The following GPC1 variants were observed in gnomAD, a reference collection of about 807,000 sequenced individuals.
GPC1 encodes glypican-1.
GPC1 carries 26 observed loss-of-function variants against 51.5 expected under a neutral mutation model. The ratio of observed to expected loss-of-function variants is 0.50; its 90% CI spans 0.37 to 0.70. The LOEUF (loss-of-function observed/expected upper bound fraction) is 0.70, where lower values mean the gene tolerates loss of function less well. Among genes scored for constraint, GPC1 ranks in the 30% least tolerant of loss-of-function variants. The probability of loss-of-function intolerance (pLI) is 0.00; values close to 1 mark genes in which losing one functional copy is unlikely to be tolerated. For missense variants in GPC1, 775 were observed against 800.5 expected (o/e 0.97, Z 0.38); for synonymous variants, 380 against 348.3 (o/e 1.09, Z -1.01).
At chr2:240,439,038 G>T (rs1397866237) in intron 1 of GPC1, among the ~76,000 whole-genome samples, 2 of 152,226 alleles carry the variant, frequency 1.3e-5, no homozygotes, top group South Asian at 4.1e-4. Flanking sequence ...TGCTTGCAAG[G>T]TTGTGTCTGG....
intron 1 of GPC1, among the ~76,000 whole-genome samples, chr2:240,437,457 C>T (rs925182851): frequency 8.5e-5 from 13 of 152,148 alleles, no homozygotes; most frequent in African/African-American, 2.7e-4. Context: ...GCCCTCCCCA[C>T]CAGCCTGAGG....
chr2:240,450,668 A>T (rs1447706619), intron 1 of GPC1: 1 of 470,168 alleles, frequency 2.1e-6, no homozygotes, highest in Admixed American at 2.4e-5. Flanking sequence ...TCCTCTGGGG[A>T]GGAGGTGCTG....
intron 4 of GPC1, chr2:240,464,090 T>C (rs1433759668): frequency 9.7e-6 from 2 of 206,036 alleles, no homozygotes; most frequent in African/African-American, 4.5e-5. Context: ...CGTGCTAGCA[T>C]GTGCTGACAC....
intron 1 of GPC1, among the ~76,000 whole-genome samples, chr2:240,438,872 C>T (rs948221627): frequency 7.9e-5 from 12 of 152,142 alleles, no homozygotes; most frequent in Non-Finnish European, 1.2e-4. Context: ...ACCAGCTGGA[C>T]GGTGGCACTG....
At chr2:240,459,458 C>T (rs1427548510) in intron 2 of GPC1, among the ~76,000 whole-genome samples, 1 of 152,198 alleles carries the variant, frequency 6.6e-6, no homozygotes, top group East Asian at 1.9e-4. Context: ...GGGCCTATCC[C>T]ATCAGCCCCT....
rs181209583 is a variant in GPC1, at chr2:240,438,848, C to G, written c.166+2764C>G. ...TCATCCCATTTTATGGGCAAGGAAGCAGGCCTGGGTGCCACCAGCTGGACG... is the reference window on the plus strand; with the variant it reads ...TCATCCCATTTTATGGGCAAGGAAGGAGGCCTGGGTGCCACCAGCTGGACG... On this transcript the variant is annotated intron_variant, in intron 1 of 8. Coordinates refer to ENST00000264039, the MANE Select transcript of GPC1 (RefSeq NM_002081.3). 3.4e-3 allele frequency among the ~76,000 whole-genome samples: 520 copies of G among 152,332 alleles called. 1 individual carries two copies. Among genetic ancestry groups the G allele is most frequent in the Non-Finnish European group, 5.9e-3 (401 of 68,018 alleles).
intron 1 of GPC1, among the ~76,000 whole-genome samples, chr2:240,443,675 C>T (rs756833604): frequency 4.6e-5 from 7 of 152,196 alleles, no homozygotes; most frequent in African/African-American, 9.7e-5. Flanking sequence ...ACTAGGCCTC[C>T]TGGTGGGCTC....
intron 1 of GPC1, among the ~76,000 whole-genome samples, chr2:240,454,398 C>A (rs1391442225): frequency 1.3e-5 from 2 of 152,160 alleles, no homozygotes; most frequent in African/African-American, 4.8e-5. Flanking sequence ...GCCACAGCCA[C>A]CGGAGCTGGT....
chr2:240,438,229 C>G (rs2073996110), intron 1 of GPC1, among the ~76,000 whole-genome samples: 2 of 152,210 alleles, frequency 1.3e-5, no homozygotes, highest in African/African-American at 4.8e-5. Flanking sequence ...CCAGTCGGTG[C>G]CCCTCCGACA....
chr2:240,437,780 G>GC (rs2073993414), intron 1 of GPC1, among the ~76,000 whole-genome samples: 1 of 152,174 alleles, frequency 6.6e-6, no homozygotes, highest in Non-Finnish European at 1.5e-5. Flanking sequence ...GAAACCATTA[G>GC]CCCCCAGCCC....
chr2:240,467,096 T>C lies in GPC1; in HGVS notation c.*806T>C, dbSNP rs2074268989. ...CACACAGGGCTCACAGGGCAGGCCT[T>C]GCTGGGGTCCAGGGCTGTTGGAGGA... On this transcript the variant is annotated 3_prime_UTR_variant, in exon 9 of 9. Coordinates refer to ENST00000264039, the MANE Select transcript of GPC1 (RefSeq NM_002081.3). 6.6e-6 allele frequency: 1 copy of C among 152,254 alleles called. No homozygotes were observed. The highest frequency in any genetic ancestry group is 2.4e-5 in the African/African-American group (1 of 41,472). 9.4% of individuals were successfully genotyped at this position (152,254 alleles called of 1,614,324 possible).
At chr2:240,451,162 G>A (rs780072561) in intron 1 of GPC1, 28 of 471,066 alleles carry the variant, frequency 5.9e-5, no homozygotes, top group Non-Finnish European at 1.1e-4. Flanking sequence ...CCCTCTTGGC[G>A]GGCTCCCTCC....
At chr2:240,459,726 A>G (rs1265571836) in intron 2 of GPC1, among the ~76,000 whole-genome samples, 1 of 152,130 alleles carries the variant, frequency 6.6e-6, no homozygotes, top group Non-Finnish European at 1.5e-5. Flanking sequence ...TGACCCCTGC[A>G]GGCCTTGAGG....
At position 240,464,667 on chromosome 2, in the gene GPC1, G is replaced by A. The variant is rs778077573; in HGVS notation, c.935G>A (p.Ser312Asn). ...TTCTGGGGTACATCGGGTGTGGAGA[G>A]TGTCATCGGCAGCGTGCACACGTGG... ...DKFWGTSGVESVIGSVHTWLA... is the reference protein window; with the variant it reads ...DKFWGTSGVENVIGSVHTWLA... The change falls in exon 5 of 9, where the codon AGT becomes AAT. Residue 312 changes from serine (S) to asparagine (N), a missense_variant. Coordinates refer to ENST00000264039, the MANE Select transcript of GPC1 (RefSeq NM_002081.3). 3.1e-5 allele frequency: 50 copies of A among 1,613,138 alleles called. No homozygotes were observed. The highest frequency in any genetic ancestry group is 1.6e-4 in the Middle Eastern group (1 of 6,084).
chr2:240,436,750 T>C (rs933325374), intron 1 of GPC1, among the ~76,000 whole-genome samples: 4 of 152,302 alleles, frequency 2.6e-5, no homozygotes, highest in African/African-American at 9.6e-5. Context: ...TCGAAGAACT[T>C]GTACGCGCCG....
intron 1 of GPC1, among the ~76,000 whole-genome samples, chr2:240,444,079 G>T (rs2074034441): frequency 1.3e-5 from 2 of 152,210 alleles, no homozygotes. Flanking sequence ...GCGCACAGGA[G>T]GGGAGGCTGT....
intron 2 of GPC1, among the ~76,000 whole-genome samples, chr2:240,459,778 A>G (rs889225246): frequency 1.3e-5 from 2 of 152,134 alleles, no homozygotes; most frequent in African/African-American, 2.4e-5. Context: ...TCCTCGGCCC[A>G]GGCTGGGCCT....
chr2:240,455,391 G>T (rs1306609991), intron 1 of GPC1, among the ~76,000 whole-genome samples: 2 of 152,212 alleles, frequency 1.3e-5, no homozygotes, highest in Non-Finnish European at 2.9e-5. Flanking sequence ...CGGGGAGCAG[G>T]CCCGGTGACC....
At chr2:240,461,737 G>C (rs2074217734) in intron 2 of GPC1, among the ~76,000 whole-genome samples, 1 of 152,148 alleles carries the variant, frequency 6.6e-6, no homozygotes, top group Non-Finnish European at 1.5e-5. Flanking sequence ...TCGCAGGGCA[G>C]GCGGCTGGGG....
Sources: allele counts gnomAD v4.1 joint callset (sites outside exome capture counted in the v4.1 genomes callset), GRCh38; gene constraint gnomAD v4.1.1; transcripts MANE v1.5; gene names NCBI Gene and HGNC (gene_info 2026-07-23, HGNC 2026-07-21).